MYO1E: variants seen among roughly 807,000 people sequenced by gnomAD.
MYO1E encodes unconventional myosin-Ie.
A neutral mutation model predicts 151.1 loss-of-function variants in MYO1E; 68 were observed. The ratio of observed to expected loss-of-function variants is 0.45; its 90% CI spans 0.37 to 0.55. The LOEUF (loss-of-function observed/expected upper bound fraction) is 0.55. Among genes scored for constraint, MYO1E ranks in the 20% least tolerant of loss-of-function variants. The pLI, the probability that MYO1E is intolerant of heterozygous loss-of-function variation, is 0.00. For synonymous variants in MYO1E, 601 were observed against 501.7 expected (o/e 1.20, Z -2.64); for missense variants, 1,363 against 1,389.3 (o/e 0.98, Z 0.30).
At chr15:59,246,572 T>C (rs1420909699) in intron 4 of MYO1E, among the ~76,000 whole-genome samples, 1 of 152,206 alleles carries the variant, frequency 6.6e-6, no homozygotes, top group East Asian at 1.9e-4. Context: ...AGGCCCTCAC[T>C]GCTGCAATAG....
At chr15:59,369,956 C>G (rs2080935622) in intron 1 of MYO1E, among the ~76,000 whole-genome samples, 2 of 151,916 alleles carry the variant, frequency 1.3e-5, no homozygotes, top group Admixed American at 1.3e-4. Context: ...CAGCCAAGGG[C>G]CTTCTTTTTC....
At chr15:59,360,358 G>GA (rs554470838) in intron 1 of MYO1E, among the ~76,000 whole-genome samples, 4,490 of 148,258 alleles carry the variant, frequency 0.03, 86 homozygotes, top group Non-Finnish European at 0.049. Flanking sequence ...CAACCAAGGG[G>GA]AAAAAAAAAA....
At chr15:59,360,347 T>TC (rs1189161904) in intron 1 of MYO1E, among the ~76,000 whole-genome samples, 1 of 151,970 alleles carries the variant, frequency 6.6e-6, no homozygotes, top group African/African-American at 2.4e-5. Context: ...GACATGACTT[T>TC]CAACCAAGGG....
intron 4 of MYO1E, among the ~76,000 whole-genome samples, chr15:59,246,228 C>T (rs2080129291): frequency 6.6e-6 from 1 of 152,116 alleles, no homozygotes; most frequent in Admixed American, 6.5e-5. Context: ...AGTGATTCTC[C>T]TGCCTCAGCT....
intron 1 of MYO1E, among the ~76,000 whole-genome samples, chr15:59,335,415 C>T (rs1463633864): frequency 6.6e-6 from 1 of 152,034 alleles, no homozygotes; most frequent in Admixed American, 6.6e-5. Context: ...CAAGATTTTA[C>T]GGATTTTGAA....
rs1351643830 is a variant in MYO1E, at chr15:59,236,567, G to A, written c.420+18C>T. ...TTCCCATAACATAAGGTATCATAAT[G>A]GGCCACTGCCCACTCACCTGGACTT... On this transcript the variant is annotated intron_variant, in intron 5 of 27. Coordinates refer to ENST00000288235, the MANE Select transcript of MYO1E (RefSeq NM_004998.4). 6.3e-7 allele frequency: 1 copy of A among 1,584,776 alleles called. No homozygotes were observed. Among genetic ancestry groups the A allele is most frequent in the Non-Finnish European group, 8.7e-7 (1 of 1,153,682 alleles).
intron 18 of MYO1E, among the ~76,000 whole-genome samples, chr15:59,185,010 T>C (rs549717197): frequency 2.0e-5 from 3 of 152,300 alleles, no homozygotes; most frequent in South Asian, 4.2e-4. Flanking sequence ...GCACTGTAGT[T>C]TTATTTTGGC....
chr15:59,169,865 A>C (rs1242865961), intron 22 of MYO1E, among the ~76,000 whole-genome samples: 2 of 152,188 alleles, frequency 1.3e-5, no homozygotes, highest in Admixed American at 1.3e-4. Flanking sequence ...TGCTTGATAC[A>C]AGTGTAGCTC....
intron 4 of MYO1E, 53 bp from the exon 5 acceptor site, chr15:59,236,725 C>A: frequency 1.4e-6 from 2 of 1,391,158 alleles, no homozygotes; most frequent in Non-Finnish European, 2.0e-6. Context: ...CGACCAGCTC[C>A]CTTCCTTGTC....
At chr15:59,233,661 T>TAAAAA (rs11285934) in intron 5 of MYO1E, among the ~76,000 whole-genome samples, 32 of 78,356 alleles carry the variant, frequency 4.1e-4, no homozygotes, top group East Asian at 1.2e-3. Flanking sequence ...AGACTCCGTC[T>TAAAAA]AAAAAAAAAA....
At chr15:59,189,504 TTTTC>T (rs36067704) in intron 17 of MYO1E, among the ~76,000 whole-genome samples, 3 of 150,176 alleles carry the variant, frequency 2.0e-5, no homozygotes, top group African/African-American at 2.4e-5. Context: ...TTTCTTTTTC[TTTTC>T]TTTCTTTCTT....
chr15:59,334,009 C>T (rs1349851386), intron 1 of MYO1E, among the ~76,000 whole-genome samples: 1 of 152,136 alleles, frequency 6.6e-6, no homozygotes, highest in Non-Finnish European at 1.5e-5. Context: ...AAGAACCTCT[C>T]GTCAGTGGGG....
intron 1 of MYO1E, among the ~76,000 whole-genome samples, chr15:59,296,305 C>G (rs2080447940): frequency 6.6e-6 from 1 of 152,212 alleles, no homozygotes; most frequent in South Asian, 2.1e-4. Flanking sequence ...TATTCAGAAC[C>G]AAACACAGCG....
intron 9 of MYO1E, among the ~76,000 whole-genome samples, chr15:59,222,526 G>A (rs1596372977): frequency 6.6e-6 from 1 of 152,112 alleles, no homozygotes; most frequent in East Asian, 1.9e-4. Context: ...CATCAGAAAT[G>A]TCAACACAAC....
chr15:59,213,543 C>T (rs575914471), intron 12 of MYO1E, among the ~76,000 whole-genome samples: 91 of 151,870 alleles, frequency 6.0e-4, no homozygotes, highest in Non-Finnish European at 1.1e-3. Context: ...ATATAAGCCT[C>T]GACCTCCTGG....
At chr15:59,285,253 G>A (rs2080380209) in intron 1 of MYO1E, among the ~76,000 whole-genome samples, 1 of 151,944 alleles carries the variant, frequency 6.6e-6, no homozygotes, top group Non-Finnish European at 1.5e-5. Flanking sequence ...GCAAGGTGTG[G>A]CGGTTCATGT....
chr15:59,312,966 G>A (rs375021845), intron 1 of MYO1E, among the ~76,000 whole-genome samples: 5 of 151,832 alleles, frequency 3.3e-5, no homozygotes, highest in Admixed American at 1.3e-4. Flanking sequence ...GCTTGAACCC[G>A]GGAGGCGGAG....
chr15:59,270,250 T>C (rs1284931808), intron 2 of MYO1E, among the ~76,000 whole-genome samples: 5 of 152,230 alleles, frequency 3.3e-5, no homozygotes, highest in Middle Eastern at 3.4e-3. Context: ...AAAATGTATA[T>C]ACATATTAAA....
At position 59,350,646 on chromosome 15, in the gene MYO1E, G is replaced by A. The variant is rs2080818300; in HGVS notation, c.3+21852C>T. 6.6e-6 allele frequency among the ~76,000 whole-genome samples: 1 copy of A among 152,078 alleles called. No individual in the cohort carries two copies. Among genetic ancestry groups the A allele is most frequent in the Admixed American group, 6.6e-5 (1 of 15,266 alleles). On this transcript the variant is annotated intron_variant, in intron 1 of 27. Coordinates refer to ENST00000288235, the MANE Select transcript of MYO1E (RefSeq NM_004998.4). This position sits in a 1 kb window ranked among gnomAD's most constrained non-coding sequence, Gnocchi z 5.0. Reference sequence around the variant, plus strand: ...ATGTGGGAAGGCCAAAGGGAAAGATGGTGAATTCTGAAAAATATAAAGAAA... The same window carrying A: ...ATGTGGGAAGGCCAAAGGGAAAGATAGTGAATTCTGAAAAATATAAAGAAA...
Sources: allele counts gnomAD v4.1 joint callset (sites outside exome capture counted in the v4.1 genomes callset), GRCh38; gene constraint gnomAD v4.1.1; non-coding constraint Gnocchi (gnomAD v3.1); transcripts MANE v1.5; gene names NCBI Gene and HGNC (gene_info 2026-07-23, HGNC 2026-07-21).